Variants in PKHD1 observed in about 807,000 individuals in gnomAD.
PKHD1 encodes PKHD1 ciliary IPT domain containing fibrocystin/polyductin, also known as fibrocystin.
A neutral mutation model predicts 412.0 loss-of-function variants in PKHD1; 291 were observed. The ratio of observed to expected loss-of-function variants is 0.71; its 90% CI spans 0.64 to 0.78. The LOEUF (loss-of-function observed/expected upper bound fraction) is 0.78. Among genes scored for constraint, PKHD1 ranks in the 30% least tolerant of loss-of-function variants. The pLI, the probability that PKHD1 is intolerant of heterozygous loss-of-function variation, is 0.00. For missense variants in PKHD1, 4,825 were observed against 4,950.7 expected, an observed-to-expected ratio of 0.97 and a Z score of 0.76; for synonymous variants, 1,777 against 1,821.5, an observed-to-expected ratio of 0.98 and a Z score of 0.62.
At chr6:52,063,966 A>G (rs1173331399) in intron 13 of PKHD1, among the ~76,000 whole-genome samples, 8 of 152,222 alleles carry the variant, frequency 5.3e-5, no homozygotes, top group Admixed American at 4.6e-4. Flanking sequence ...CAGACTCTCT[A>G]TTTCCTGACA....
intron 36 of PKHD1, among the ~76,000 whole-genome samples, chr6:51,943,742 C>T (rs964719635): frequency 6.6e-6 from 1 of 151,488 alleles, no homozygotes; most frequent in Admixed American, 6.6e-5. Context: ...CAGGCCATCA[C>T]CAATCATTCT....
At chr6:51,817,797 A>G (rs1264563384) in intron 52 of PKHD1, among the ~76,000 whole-genome samples, 1 of 151,396 alleles carries the variant, frequency 6.6e-6, no homozygotes, top group Non-Finnish European at 1.5e-5. Context: ...ATTGGTGCCA[A>G]TAACATTCTG....
chr6:51,945,054 T>A (rs1789251283), intron 36 of PKHD1, among the ~76,000 whole-genome samples: 2 of 152,230 alleles, frequency 1.3e-5, no homozygotes. Flanking sequence ...CCTTTCATTG[T>A]CATTACATAG....
chr6:52,025,822 GGATGACTGAGTT>G lies in PKHD1; in HGVS notation c.3976_3987del (p.Asn1326_Ile1329del). On this transcript the variant is annotated inframe_deletion, in exon 32 of 67. Coordinates refer to ENST00000371117, the MANE Select transcript of PKHD1 (RefSeq NM_138694.4). ...ACATCACAGTTCAGGTTCCCCAGAA[GGATGACTGAGTT>G]GGAGAGGTTACTTCCTCCCACATGC... is the stretch of plus-strand genomic sequence containing the variant. The G allele has an allele frequency of 6.2e-7, 1 of 1,614,208 alleles. No individual in the cohort carries two copies.
chr6:51,678,866 G>A (rs1267366778), intron 60 of PKHD1, among the ~76,000 whole-genome samples: 1 of 151,966 alleles, frequency 6.6e-6, no homozygotes, highest in Non-Finnish European at 1.5e-5. Flanking sequence ...TTGCCTGCCA[G>A]CTTTAAACAA....
chr6:51,912,888 T>C (rs1421079162), intron 37 of PKHD1, among the ~76,000 whole-genome samples: 2 of 152,130 alleles, frequency 1.3e-5, no homozygotes, highest in African/African-American at 2.4e-5. Context: ...TCTTTTCATA[T>C]TCTAACCCTA....
At chr6:51,983,623 C>T (rs1795852461) in intron 35 of PKHD1, among the ~76,000 whole-genome samples, 1 of 152,200 alleles carries the variant, frequency 6.6e-6, no homozygotes. Context: ...AAACTCGAAG[C>T]GGAGGTGAAG....
At chr6:51,750,246 G>C (rs919002920) in intron 57 of PKHD1, among the ~76,000 whole-genome samples, 2 of 152,200 alleles carry the variant, frequency 1.3e-5, no homozygotes, top group East Asian at 1.9e-4. Context: ...AGATGGTGTG[G>C]ACATATTCAC....
intron 65 of PKHD1, among the ~76,000 whole-genome samples, 173 bp from the exon 66 acceptor site, chr6:51,627,289 A>G (rs1767375448): frequency 1.3e-5 from 2 of 152,090 alleles, no homozygotes; most frequent in Non-Finnish European, 2.9e-5. Context: ...CTATATACTG[A>G]CCACCAACTT....
At chr6:52,014,856 C>T (rs548704873) in intron 34 of PKHD1, among the ~76,000 whole-genome samples, 80 of 151,990 alleles carry the variant, frequency 5.3e-4, no homozygotes, top group Middle Eastern at 3.4e-3. Flanking sequence ...TAATTTTTGC[C>T]ACAGATGCAC....
intron 43 of PKHD1, among the ~76,000 whole-genome samples, chr6:51,899,985 G>A (rs1435001215): frequency 6.6e-6 from 1 of 152,004 alleles, no homozygotes. Flanking sequence ...TCTTCAAGGA[G>A]AACTACAAAC....
At chr6:51,735,220 C>T (rs969526450) in intron 60 of PKHD1, among the ~76,000 whole-genome samples, 1 of 152,150 alleles carries the variant, frequency 6.6e-6, no homozygotes, top group Admixed American at 6.5e-5. Context: ...TGGTTATGAA[C>T]TCTGGCTTTG....
intron 52 of PKHD1, among the ~76,000 whole-genome samples, chr6:51,806,713 G>A (rs1763843855): frequency 6.6e-6 from 1 of 151,850 alleles, no homozygotes; most frequent in Admixed American, 6.6e-5. Context: ...TTAATTCAAG[G>A]GAGTTTTTAA....
At chr6:52,074,857 AG>A (rs1811130600) in intron 6 of PKHD1, among the ~76,000 whole-genome samples, 1 of 152,182 alleles carries the variant, frequency 6.6e-6, no homozygotes, top group Non-Finnish European at 1.5e-5. Context: ...GATCCTGCCC[AG>A]GGGGGACCAC....
chr6:51,843,568 A>G (rs915828359), intron 50 of PKHD1, among the ~76,000 whole-genome samples: 17 of 152,268 alleles, frequency 1.1e-4, no homozygotes, highest in African/African-American at 3.9e-4. Context: ...AAATCGCATG[A>G]AGGGAAAAAT....
intron 48 of PKHD1, among the ~76,000 whole-genome samples, chr6:51,864,063 G>A (rs776960130): frequency 7.9e-5 from 12 of 152,118 alleles, no homozygotes; most frequent in African/African-American, 1.7e-4. Flanking sequence ...CAAAACCTGC[G>A]CAGCATGCTC....
chr6:52,072,276 CAT>C (rs1810736430), intron 7 of PKHD1, 87 bp from the exon 8 acceptor site: 1 of 856,494 alleles, frequency 1.2e-6, no homozygotes, highest in African/African-American at 1.7e-5. Context: ...TCAGAGGAAA[CAT>C]GGCTATGAAC....
intron 39 of PKHD1, 70 bp downstream of exon 39, chr6:51,911,729 G>A (rs1218282775): frequency 2.3e-5 from 30 of 1,324,132 alleles, no homozygotes; most frequent in South Asian, 1.4e-4. Context: ...CCACAGCAAT[G>A]CCATCTATCA....
chr6:51,987,713 G>GAA (rs927723640), intron 35 of PKHD1, among the ~76,000 whole-genome samples: 3 of 151,178 alleles, frequency 2.0e-5, no homozygotes, highest in African/African-American at 7.3e-5. Context: ...TCACAGGAAA[G>GAA]AAGTTCTTTT....
Sources: allele counts gnomAD v4.1 joint callset (sites outside exome capture counted in the v4.1 genomes callset), GRCh38; gene constraint gnomAD v4.1.1; transcripts MANE v1.5; gene names NCBI Gene and HGNC (gene_info 2026-07-23, HGNC 2026-07-21).